GALNT10: variants seen among roughly 807,000 people sequenced by gnomAD.
GALNT10 encodes the protein polypeptide N-acetylgalactosaminyltransferase 10.
GALNT10 carries 41 observed loss-of-function variants against 75.0 expected under a neutral mutation model. That is an observed-to-expected ratio of 0.55 (90% CI 0.43 to 0.71). The LOEUF is 0.71. Among genes scored for constraint, GALNT10 ranks in the 30% least tolerant of loss-of-function variants. GALNT10 has a pLI of 0.00. For missense variants in GALNT10, 727 were observed against 818.5 expected (o/e 0.89, Z 1.36); for synonymous variants, 302 against 313.0 (o/e 0.96, Z 0.37).
chr5:154,294,976 T>TTG (rs70978534), intron 2 of GALNT10, 58 bp downstream of exon 2: 9,488 of 609,308 alleles, frequency 0.016, 78 homozygotes, highest in Admixed American at 0.069. Context: ...GCACATATGC[T>TTG]TGTGTGTGTG....
At chr5:154,356,288 G>C in intron 4 of GALNT10, 1 of 444,448 alleles carries the variant, frequency 2.2e-6, no homozygotes, top group Non-Finnish European at 4.5e-6. Context: ...CTGCATGTGA[G>C]AGGAAATACA....
chr5:154,390,710 C>G (rs1313997073), intron 7 of GALNT10, among the ~76,000 whole-genome samples: 1 of 152,166 alleles, frequency 6.6e-6, no homozygotes, highest in African/African-American at 2.4e-5. Flanking sequence ...CTCTTCAGAA[C>G]CCCCACCATG....
chr5:154,414,614 G>A (rs912405829), intron 10 of GALNT10, among the ~76,000 whole-genome samples: 2 of 151,860 alleles, frequency 1.3e-5, no homozygotes, highest in Non-Finnish European at 2.9e-5. Flanking sequence ...AGATTACAGA[G>A]GAGCATGAGG....
chr5:154,328,334 G>A (rs1044001481), intron 3 of GALNT10, among the ~76,000 whole-genome samples: 7 of 152,146 alleles, frequency 4.6e-5, no homozygotes, highest in African/African-American at 1.7e-4. Context: ...CTTACCGTGG[G>A]GCTGGTGGAG....
In GALNT10 at chr5:154,244,408, T is replaced by A. The variant is rs35359811; in HGVS notation, c.160-50408T>A. ...ATAGTGAGATCCTGTCTCTAAAAAA[T>A]TTTTTTTTAATTAAAAAAAAAAGAA... is the stretch of plus-strand genomic sequence containing the variant. On this transcript the variant is annotated intron_variant, in intron 1 of 11. Transcript: ENST00000297107. 4.2e-3 allele frequency among the ~76,000 whole-genome samples: 643 copies of A among 151,610 alleles called. 1 individual carries two copies. Among genetic ancestry groups the A allele is most frequent in the Non-Finnish European group, 6.9e-3 (466 of 67,820 alleles).
At chr5:154,348,190 A>C (rs1341727168) in intron 4 of GALNT10, among the ~76,000 whole-genome samples, 6 of 152,246 alleles carry the variant, frequency 3.9e-5, no homozygotes, top group Admixed American at 2.6e-4. Flanking sequence ...GAGCGTTGAA[A>C]TCATTTGTAT....
At chr5:154,340,248 G>A (rs1755012585) in intron 4 of GALNT10, among the ~76,000 whole-genome samples, 1 of 152,168 alleles carries the variant, frequency 6.6e-6, no homozygotes, top group Non-Finnish European at 1.5e-5. Context: ...AAAAAAAGCA[G>A]TGATAGCAAT....
intron 1 of GALNT10, among the ~76,000 whole-genome samples, chr5:154,198,378 G>A (rs754573440): frequency 3.9e-5 from 6 of 152,178 alleles, no homozygotes; most frequent in Non-Finnish European, 8.8e-5. Context: ...TGGTGATGCC[G>A]CTGCCTTTGT....
intron 7 of GALNT10, among the ~76,000 whole-genome samples, chr5:154,391,786 A>G (rs1755901582): frequency 6.6e-6 from 1 of 152,182 alleles, no homozygotes; most frequent in South Asian, 2.1e-4. Flanking sequence ...GGTCTCTCTC[A>G]ATGCCTAGTC....
chr5:154,212,981 AAAG>A (rs1409376765), intron 1 of GALNT10, among the ~76,000 whole-genome samples: 1 of 150,810 alleles, frequency 6.6e-6, no homozygotes, highest in African/African-American at 2.4e-5. Context: ...AAAAAAAAAA[AAAG>A]ATCACAGGCT....
intron 1 of GALNT10, among the ~76,000 whole-genome samples, chr5:154,254,063 T>C (rs1401097512): frequency 6.6e-6 from 1 of 152,118 alleles, no homozygotes; most frequent in African/African-American, 2.4e-5. Flanking sequence ...CCAGAGAATG[T>C]TGGCTGTTTT....
chr5:154,401,974 G>A (rs1435899347), intron 7 of GALNT10, among the ~76,000 whole-genome samples: 1 of 152,108 alleles, frequency 6.6e-6, no homozygotes, highest in Non-Finnish European at 1.5e-5. Flanking sequence ...GAATCCAGCT[G>A]TGTCCCCCCA....
chr5:154,366,487 T>C (rs188531147), intron 4 of GALNT10, among the ~76,000 whole-genome samples: 60 of 152,124 alleles, frequency 3.9e-4, no homozygotes, highest in Admixed American at 3.3e-3. Flanking sequence ...AGAGGGTGAG[T>C]GAGTCAGCCG....
chr5:154,390,993 A>T (rs1355481934), intron 7 of GALNT10, among the ~76,000 whole-genome samples: 4 of 152,202 alleles, frequency 2.6e-5, no homozygotes, highest in Non-Finnish European at 5.9e-5. Context: ...CAGTGTAATG[A>T]GGAGGCTCCT....
intron 1 of GALNT10, among the ~76,000 whole-genome samples, chr5:154,219,834 T>TCACACACACACACACACACACACACA (rs763537693): frequency 6.2e-5 from 8 of 129,716 alleles, no homozygotes; most frequent in South Asian, 5.3e-4. Flanking sequence ...TCTCTCTCTC[T>TCACACACACACACACACACACACACA]CTCTCACACA....
At chr5:154,287,774 T>G (rs1754133505) in intron 1 of GALNT10, among the ~76,000 whole-genome samples, 1 of 152,190 alleles carries the variant, frequency 6.6e-6, no homozygotes, top group Admixed American at 6.5e-5. Context: ...TCAAAACTCA[T>G]GAAGAAAGTA....
intron 7 of GALNT10, chr5:154,393,144 C>T (rs1048125539): frequency 2.7e-5 from 4 of 150,738 alleles, no homozygotes; most frequent in Admixed American, 6.6e-5. Context: ...GTGATCAGAG[C>T]TCACTGCAGC....
intron 1 of GALNT10, chr5:154,219,421 T>C (rs1752935195): frequency 6.6e-6 from 1 of 152,528 alleles, no homozygotes; most frequent in Non-Finnish European, 1.5e-5. Context: ...TACAGATGCA[T>C]GAGCTCCTTT....
intron 1 of GALNT10, among the ~76,000 whole-genome samples, chr5:154,226,073 T>C (rs968378598): frequency 4.0e-5 from 6 of 151,858 alleles, no homozygotes; most frequent in African/African-American, 7.3e-5. Flanking sequence ...ACATGGCACA[T>C]GTATATATAT....
Sources: gnomAD v4.1 joint callset for allele counts (sites outside exome capture counted in the v4.1 genomes callset) on GRCh38, gnomAD v4.1.1 for gene constraint, MANE v1.5 for transcripts, NCBI Gene and HGNC (gene_info 2026-07-23, HGNC 2026-07-21) for gene names.